Variants in CWC27 observed in about 807,000 individuals in gnomAD.
CWC27 encodes the protein spliceosome-associated protein CWC27 homolog.
In CWC27, 47 loss-of-function variants were observed where a neutral mutation model predicts 63.6. That is an observed-to-expected ratio of 0.74 (90% CI 0.58 to 0.94). CWC27 has a LOEUF of 0.94. Among genes scored for constraint, CWC27 ranks in the 40% least tolerant of loss-of-function variants. The pLI, the probability that CWC27 is intolerant of heterozygous loss-of-function variation, is 0.00. For missense variants in CWC27, 495 were observed against 554.3 expected (o/e 0.89, Z 1.07); for synonymous variants, 175 against 179.8 (o/e 0.97, Z 0.22).
chr5:64,986,074 C>T (rs1749419625), intron 13 of CWC27, among the ~76,000 whole-genome samples: 1 of 152,068 alleles, frequency 6.6e-6, no homozygotes, highest in Admixed American at 6.6e-5. Context: ...ATTTCTTCTG[C>T]TTGCATTTCT....
intron 7 of CWC27, among the ~76,000 whole-genome samples, chr5:64,797,610 G>T (rs1202131425): frequency 6.6e-6 from 1 of 152,064 alleles, no homozygotes; most frequent in Non-Finnish European, 1.5e-5. Context: ...GCTATTTAAA[G>T]TAAGTTTTGG....
chr5:64,997,296 G>A (rs572298907), intron 13 of CWC27, among the ~76,000 whole-genome samples: 8 of 152,156 alleles, frequency 5.3e-5, no homozygotes, highest in African/African-American at 1.9e-4. Flanking sequence ...CTAACTCTGT[G>A]CCCTAAAGTG....
At chr5:64,915,473 T>C (rs1305644614) in intron 11 of CWC27, among the ~76,000 whole-genome samples, 1 of 152,206 alleles carries the variant, frequency 6.6e-6, no homozygotes, top group African/African-American at 2.4e-5. Context: ...TGACAAATCA[T>C]TGAGCTATAC....
intron 6 of CWC27, among the ~76,000 whole-genome samples, chr5:64,787,353 A>G (rs74984823): frequency 0.023 from 3,465 of 152,254 alleles, 144 homozygotes; most frequent in African/African-American, 0.078. Flanking sequence ...TAATAAATAG[A>G]TACATATTTT....
chr5:64,923,253 T>C (rs1748032925), intron 11 of CWC27, among the ~76,000 whole-genome samples: 1 of 152,106 alleles, frequency 6.6e-6, no homozygotes, highest in Admixed American at 6.6e-5. Flanking sequence ...GCAGGATATC[T>C]GAGGCTGTGC....
intron 10 of CWC27, among the ~76,000 whole-genome samples, chr5:64,884,483 G>A (rs550752753): frequency 3.3e-4 from 50 of 152,260 alleles, no homozygotes; most frequent in African/African-American, 1.1e-3. Context: ...AAGGAAAGAA[G>A]CACTAAAGGT....
chr5:64,829,639 C>T (rs1389519973), intron 10 of CWC27, among the ~76,000 whole-genome samples: 1 of 137,698 alleles, frequency 7.3e-6, no homozygotes, highest in African/African-American at 2.8e-5. Context: ...TACTTTTATT[C>T]ACTTTTTTTT....
chr5:64,884,997 G>T (rs1487643095), intron 10 of CWC27, among the ~76,000 whole-genome samples: 2 of 152,286 alleles, frequency 1.3e-5, no homozygotes, highest in East Asian at 3.9e-4. Context: ...CACCTACCGT[G>T]TAATAATTAC....
intron 10 of CWC27, among the ~76,000 whole-genome samples, chr5:64,812,204 T>G (rs1254689574): frequency 6.6e-6 from 1 of 152,094 alleles, no homozygotes; most frequent in Non-Finnish European, 1.5e-5. Flanking sequence ...ATAGTATACA[T>G]TTTTAAATGA....
intron 2 of CWC27, among the ~76,000 whole-genome samples, chr5:64,776,001 A>C (rs1268636165): frequency 6.6e-6 from 1 of 151,500 alleles, no homozygotes; most frequent in Non-Finnish European, 1.5e-5. Flanking sequence ...TCAGGTGAAG[A>C]TTTAAGAAAT....
chr5:64,884,875 G>A (rs1580701883), intron 10 of CWC27, among the ~76,000 whole-genome samples: 1 of 147,898 alleles, frequency 6.8e-6, no homozygotes, highest in South Asian at 2.2e-4. Flanking sequence ...ACCTCACCCT[G>A]GTAGATTTAA....
At chr5:64,802,690 T>C (rs762931735) in intron 9 of CWC27, among the ~76,000 whole-genome samples, 4 of 152,204 alleles carry the variant, frequency 2.6e-5, no homozygotes, top group Non-Finnish European at 5.9e-5. Context: ...ACAAGGTTTC[T>C]GGTTTGAGCA....
chr5:64,781,938 A>AT lies in CWC27; in HGVS notation c.162dup (p.His55SerfsTer2). 6.3e-7 allele frequency: 1 copy of AT among 1,580,220 alleles called. No individual in the cohort carries two copies. The highest frequency in any genetic ancestry group is 8.7e-7 in the Non-Finnish European group (1 of 1,155,282). On this transcript the variant is annotated frameshift_variant, in exon 3 of 14. Coordinates refer to ENST00000381070, the MANE Select transcript of CWC27 (RefSeq NM_005869.4). LOFTEE classifies it high-confidence loss of function. ...TTTTTCAGCTTATTATGACAATACC[A>AT]TTTTTCATAGAGTTGTGCCTGGTTT... is the stretch of plus-strand genomic sequence containing the variant.
At chr5:64,937,330 A>G (rs1270576974) in intron 11 of CWC27, among the ~76,000 whole-genome samples, 1 of 152,060 alleles carries the variant, frequency 6.6e-6, no homozygotes, top group East Asian at 1.9e-4. Flanking sequence ...GAACTTATTT[A>G]TTTCCACCTT....
At chr5:64,826,029 T>A (rs1745347032) in intron 10 of CWC27, among the ~76,000 whole-genome samples, 1 of 152,216 alleles carries the variant, frequency 6.6e-6, no homozygotes, top group Non-Finnish European at 1.5e-5. Flanking sequence ...AGGTTTCAGA[T>A]CTGCCTAGGC....
chr5:64,933,517 C>T (rs1336735552), intron 11 of CWC27, among the ~76,000 whole-genome samples: 2 of 136,584 alleles, frequency 1.5e-5, no homozygotes, highest in Non-Finnish European at 3.1e-5. Context: ...TTTTTTGAGA[C>T]GGAGTCTCGC....
Position 64,943,193 on chromosome 5 carries a change from A to G in CWC27, c.1043-28510A>G, listed in dbSNP as rs184833000. On this transcript the variant is annotated intron_variant, in intron 11 of 13. Coordinates refer to ENST00000381070, the MANE Select transcript of CWC27 (RefSeq NM_005869.4). ...ACAAGGGAAAAAATGAAGTTAACGA[A>G]TAAAACAAATGTTATTTCAGATCAC... 3.5e-3 allele frequency among the ~76,000 whole-genome samples: 529 copies of G among 152,076 alleles called. 3 individuals carry two copies. Among genetic ancestry groups the G allele is most frequent in the Non-Finnish European group, 5.1e-3 (345 of 68,004 alleles).
At chr5:64,959,070 T>G (rs1748855806) in intron 11 of CWC27, among the ~76,000 whole-genome samples, 1 of 152,042 alleles carries the variant, frequency 6.6e-6, no homozygotes, top group Non-Finnish European at 1.5e-5. Flanking sequence ...TAAATGGTAG[T>G]TTTTTTATTG....
chr5:64,885,063 A>G (rs1747033883), intron 10 of CWC27, among the ~76,000 whole-genome samples: 2 of 152,148 alleles, frequency 1.3e-5, no homozygotes, highest in Admixed American at 6.6e-5. Flanking sequence ...TTTGAAGCCA[A>G]ATTTTTTGTG....
Sources: gnomAD v4.1 joint callset for allele counts (sites outside exome capture counted in the v4.1 genomes callset) on GRCh38, gnomAD v4.1.1 for gene constraint, MANE v1.5 for transcripts, NCBI Gene and HGNC (gene_info 2026-07-23, HGNC 2026-07-21) for gene names.